ZNF559: variants seen among roughly 807,000 people sequenced by gnomAD.
ZNF559 encodes zinc finger protein 559.
ZNF559 carries 17 observed loss-of-function variants against 14.2 expected under a neutral mutation model. The ratio of observed to expected loss-of-function variants is 1.20; its 90% confidence interval spans 0.82 to 1.80. The LOEUF is 1.80. Among genes scored for constraint, ZNF559 ranks in the 40% most tolerant of loss-of-function variants. ZNF559 has a pLI of 0.00. For synonymous variants in ZNF559, 244 were observed against 212.4 expected (o/e 1.15, Z -1.29); for missense variants, 740 against 629.7 (o/e 1.18, Z -1.88).
intron 2 of ZNF559, among the ~76,000 whole-genome samples, chr19:9,331,506 C>A (rs2066933676): frequency 6.6e-6 from 1 of 152,202 alleles, no homozygotes; most frequent in African/African-American, 2.4e-5. Context: ...CCTATTCTTA[C>A]ATCACACAAA....
chr19:9,334,413 C>T (rs1332986138), intron 2 of ZNF559, among the ~76,000 whole-genome samples: 2 of 152,106 alleles, frequency 1.3e-5, no homozygotes, highest in Non-Finnish European at 2.9e-5. Flanking sequence ...TTATGGAGTG[C>T]TTTTCGGTAA....
chr19:9,325,135 C>T (rs1349325844), intron 2 of ZNF559, among the ~76,000 whole-genome samples: 2 of 152,080 alleles, frequency 1.3e-5, no homozygotes, highest in Non-Finnish European at 2.9e-5. Context: ...GGTTTTCTAC[C>T]AGTTACTCAT....
Position 9,342,201 on chromosome 19 carries a change from C to G in ZNF559, c.750C>G (p.Phe250Leu). The change falls in exon 7 of 7, where the codon TTC becomes TTG. Residue 250 changes from phenylalanine (F) to leucine (L), a missense_variant. Physicochemically the swap from Phe to Leu is conservative, Grantham distance 22 (BLOSUM62 0). Transcript: ENST00000603380. ...AATGTAAAGCATGTGGGAAACCCTTCACTGAGTCGTCATATCTTACTCAAC... is the reference window on the plus strand; with the variant it reads ...AATGTAAAGCATGTGGGAAACCCTTGACTGAGTCGTCATATCTTACTCAAC... ...FYECKACGKP[F>L]TESSYLTQHL... 6.2e-7 allele frequency: 1 copy of G among 1,602,524 alleles called. No individual in the cohort carries two copies. Among genetic ancestry groups the G allele is most frequent in the Non-Finnish European group, 8.5e-7 (1 of 1,176,144 alleles).
Position 9,343,234 on chromosome 19 carries a change from G to GT in ZNF559, c.*167dup. 7.0e-7 allele frequency: 1 copy of GT among 1,430,898 alleles called. No homozygotes were observed. Among genetic ancestry groups the GT allele is most frequent in the Non-Finnish European group, 9.1e-7 (1 of 1,097,058 alleles). The allele number at this position is 1,430,898 out of a possible 1,614,324, so 88.6% of individuals were successfully genotyped here. A position where few individuals can be genotyped will look rare whatever the true frequency, so the allele number is the denominator to read the frequency against. ...CCAATAGAAGAGAAGACATATGAAT[G>GT]TAAGGAATGTGGGAAAATCTTGGCT... On this transcript the variant is annotated 3_prime_UTR_variant, in exon 7 of 7. Coordinates refer to ENST00000603380, the MANE Select transcript of ZNF559 (RefSeq NM_032497.3).
chr19:9,341,682 T>C lies in ZNF559; in HGVS notation c.244-13T>C. ...GAAAACTTCTATGAACCATCATTAA[T>C]TTTCACCAACAGGAGAGAAACCATT... On this transcript the variant is annotated splice_polypyrimidine_tract_variant and intron_variant, in intron 6 of 6. Coordinates refer to ENST00000603380, the MANE Select transcript of ZNF559 (RefSeq NM_032497.3). The C allele has an allele frequency of 1.3e-6, 2 of 1,599,208 alleles. No homozygotes were observed. The highest frequency in any genetic ancestry group is 1.7e-6 in the Non-Finnish European group (2 of 1,175,918).
At chr19:9,328,626 C>T (rs1275308123) in intron 2 of ZNF559, among the ~76,000 whole-genome samples, 1 of 151,914 alleles carries the variant, frequency 6.6e-6, no homozygotes, top group African/African-American at 2.4e-5. Context: ...CCACCTGCCT[C>T]AGCCTCCTAA....
In ZNF559 at chr19:9,342,372, T is replaced by A; in HGVS notation, c.921T>A (p.Thr307=). ...GTAATGAATGTGGCAAAGAATTTAC[T>A]TGTTTCTCAAAACTCAACATTCACA... The part of the protein sequence containing the change: ...YVCNECGKEF[T]CFSKLNIHIR... The change falls in exon 7 of 7, where the codon ACT becomes ACA. Residue 307 remains threonine, a synonymous_variant. Transcript: ENST00000603380. 1 of 1,610,324 alleles carries A rather than the reference T, an allele frequency of 6.2e-7. No individual in the cohort carries two copies. Among genetic ancestry groups the A allele is most frequent in the Non-Finnish European group, 8.5e-7 (1 of 1,178,194 alleles).
At chr19:9,338,616 A>G (rs754652636) in intron 4 of ZNF559, 34 bp downstream of exon 4, 3 of 1,492,952 alleles carry the variant, frequency 2.0e-6, no homozygotes, top group African/African-American at 1.4e-5. Context: ...GTAGAAGCAT[A>G]TGCTTCTTCC....
At chr19:9,327,997 A>AC (rs2066719345) in intron 2 of ZNF559, among the ~76,000 whole-genome samples, 1 of 152,210 alleles carries the variant, frequency 6.6e-6, no homozygotes, top group East Asian at 1.9e-4. Context: ...TGATAGGCCC[A>AC]CAGTGGACAT....
chr19:9,343,272 C>T lies in ZNF559; in HGVS notation c.*204C>T, dbSNP rs970805879. 2 of 1,385,028 alleles carry T rather than the reference C, an allele frequency of 1.4e-6. No individual in the cohort carries two copies. The highest frequency in any genetic ancestry group is 2.9e-5 in the African/African-American group (2 of 68,792). 85.8% of individuals were successfully genotyped at this position (1,385,028 alleles called of 1,614,324 possible). On this transcript the variant is annotated 3_prime_UTR_variant, in exon 7 of 7. Coordinates refer to ENST00000603380, the MANE Select transcript of ZNF559 (RefSeq NM_032497.3). ...GAAAATCTTGGCTCCTTCCATAGGC[C>T]TTACTATTCATGTGTCTGTGCATCC...
intron 2 of ZNF559, 64 bp from the exon 3 acceptor site, chr19:9,337,732 T>C (rs2067318723): frequency 1.6e-6 from 2 of 1,213,354 alleles, no homozygotes; most frequent in South Asian, 1.7e-5. Context: ...GGATTTGTTA[T>C]TATTTATGTC....
Position 9,342,329 on chromosome 19 carries a change from G to T in ZNF559, c.878G>T (p.Arg293Ile). The T allele has an allele frequency of 6.2e-7, 1 of 1,602,238 alleles. No individual in the cohort carries two copies. Among genetic ancestry groups the T allele is most frequent in the Non-Finnish European group, 8.5e-7 (1 of 1,175,638 alleles). The change falls in exon 7 of 7, where the codon AGA becomes ATA. Residue 293 changes from arginine (R) to isoleucine (I), a missense_variant. Coordinates refer to ENST00000603380, the MANE Select transcript of ZNF559 (RefSeq NM_032497.3). The part of the protein sequence containing the change: ...DLAKHIRLRT[R>I]GKHYVCNECG... ...GCTAAACATATAAGACTTAGAACTA[G>T]AGGAAAACACTATGTTTGTAATGAA... is the stretch of plus-strand genomic sequence containing the variant.
intron 5 of ZNF559, among the ~76,000 whole-genome samples, chr19:9,340,840 G>T (rs1471421358): frequency 6.7e-6 from 1 of 150,188 alleles, no homozygotes; most frequent in Non-Finnish European, 1.5e-5. Context: ...CAAAGTGCTG[G>T]GATTACAGGT....
chr19:9,324,448 C>A (rs988635460), intron 1 of ZNF559: 16 of 1,433,484 alleles, frequency 1.1e-5, no homozygotes, highest in East Asian at 5.0e-5. Flanking sequence ...GGCCTCGGCC[C>A]GGGAGGAGGC....
In ZNF559 at chr19:9,327,002, T is replaced by TA. The variant is rs373350288; in HGVS notation, c.-120+2223dup. Among the ~76,000 whole-genome samples, 72 of 152,336 alleles carry TA rather than the reference T, an allele frequency of 4.7e-4. 1 individual carries two copies. Among genetic ancestry groups the TA allele is most frequent in the African/African-American group, 1.7e-3 (69 of 41,572 alleles). On this transcript the variant is annotated intron_variant, in intron 2 of 6. Coordinates refer to ENST00000603380, the MANE Select transcript of ZNF559 (RefSeq NM_032497.3). ...CACATGGGGCTAGTGGCTGTTGAGT[T>TA]AGACTGGCCAGATCCAAGGCTTCCA...
chr19:9,329,799 A>G (rs8112663), intron 2 of ZNF559, among the ~76,000 whole-genome samples: 92,571 of 151,870 alleles, frequency 0.61, 28,839 homozygotes, highest in African/African-American at 0.73. Context: ...GAGTAGCTGG[A>G]ACTACAGGCA....
In ZNF559 at chr19:9,341,778, C is replaced by T; in HGVS notation, c.327C>T (p.His109=). ...ALSEHSCLKT[H]RRTYFRKKTC... The stretch of plus-strand genomic sequence containing the variant: ...GTGAACACTCATGCCTTAAGACTCA[C>T]AGGAGAACTTACTTTAGAAAGAAAA... Residue 109 remains histidine (H), a synonymous_variant, in exon 7 of 7, where the codon CAC becomes CAT. Coordinates refer to ENST00000603380, the MANE Select transcript of ZNF559 (RefSeq NM_032497.3). 1 of 1,607,098 alleles carries T rather than the reference C, an allele frequency of 6.2e-7. No individual in the cohort carries two copies. The highest frequency in any genetic ancestry group is 1.7e-4 in the Middle Eastern group (1 of 6,000).
chr19:9,324,339 T>A, intron 1 of ZNF559, 111 bp downstream of exon 1: 1 of 1,521,438 alleles, frequency 6.6e-7, no homozygotes, highest in Non-Finnish European at 8.8e-7. Flanking sequence ...CCGTGCACTT[T>A]CGGGCATTTC....
At chr19:9,331,685 T>C (rs140516906) in intron 2 of ZNF559, among the ~76,000 whole-genome samples, 2 of 152,350 alleles carry the variant, frequency 1.3e-5, no homozygotes, top group African/African-American at 4.8e-5. Context: ...AATGCAACTG[T>C]TCTCAGTTTG....
Sources: allele counts gnomAD v4.1 joint callset (sites outside exome capture counted in the v4.1 genomes callset), GRCh38; gene constraint gnomAD v4.1.1; transcripts MANE v1.5; gene names NCBI Gene and HGNC (gene_info 2026-07-23, HGNC 2026-07-21).